HSPB7: variants seen among roughly 807,000 people sequenced by gnomAD.
HSPB7 encodes the protein heat shock protein family B (small) member 7, also known as heat shock protein beta-7.
A neutral mutation model predicts 11.0 loss-of-function variants in HSPB7; 9 were observed. The observed-to-expected ratio is 0.82, with a 90% confidence interval of 0.49 to 1.43. The LOEUF (loss-of-function observed/expected upper bound fraction) is 1.43, where lower values mean the gene tolerates loss of function less well. Among genes scored for constraint, HSPB7 ranks in the 40% most tolerant of loss-of-function variants. The pLI is 0.00. For missense variants in HSPB7, 246 were observed against 243.9 expected (o/e 1.01, Z -0.06); for synonymous variants, 102 against 101.6 (o/e 1.00, Z -0.02).
intron 1 of HSPB7, 177 bp downstream of exon 1, chr1:16,017,588 T>C (rs3883891): frequency 0.4 from 244,936 of 616,400 alleles, 50,732 homozygotes; most frequent in East Asian, 0.67. Context: ...GAGGCCCACC[T>C]GTTTTCATGG....
At chr1:16,018,149 C>T (rs755890332), upstream of HSPB7, 1 of 1,541,686 alleles carries the variant, frequency 6.5e-7, no homozygotes, top group Non-Finnish European at 8.8e-7. Context: ...CCAGAGGGGG[C>T]TGGAAATCTT....
At chr1:16,016,366 T>A (rs1284469134) in intron 2 of HSPB7, among the ~76,000 whole-genome samples, 1 of 152,150 alleles carries the variant, frequency 6.6e-6, no homozygotes, top group Non-Finnish European at 1.5e-5. Context: ...GGTCCTCTCC[T>A]CTCTCCTGGC....
At chr1:16,018,758 C>T (rs1375707704), upstream of HSPB7, 5 of 1,067,388 alleles carry the variant, frequency 4.7e-6, no homozygotes, top group Middle Eastern at 4.4e-4. Flanking sequence ...TGCCTGCGAG[C>T]GCCTTAGGTG....
intron 1 of HSPB7, 123 bp from the exon 2 acceptor site, chr1:16,017,330 T>C: frequency 5.2e-6 from 7 of 1,337,412 alleles, no homozygotes; most frequent in African/African-American, 1.5e-5. Flanking sequence ...CCTAGCTGTT[T>C]CTCCCTAAGC....
At chr1:16,016,305 T>C (rs1349551354) in intron 2 of HSPB7, among the ~76,000 whole-genome samples, 1 of 152,124 alleles carries the variant, frequency 6.6e-6, no homozygotes, top group African/African-American at 2.4e-5. Context: ...CACCCTTGAA[T>C]GTGGAGGGGA....
At chr1:16,018,363 C>G, upstream of HSPB7, 1 of 1,196,624 alleles carries the variant, frequency 8.4e-7, no homozygotes, top group Non-Finnish European at 1.1e-6. Flanking sequence ...TTGTTTCCCC[C>G]GTCAGCCTGG....
chr1:16,019,341 G>A, upstream of HSPB7: 2 of 1,437,800 alleles, frequency 1.4e-6, no homozygotes, highest in Admixed American at 2.0e-5. Flanking sequence ...AGCACTGACT[G>A]TCTTTGTCCT....
chr1:16,018,091 T>A, upstream of HSPB7: 3 of 1,567,132 alleles, frequency 1.9e-6, no homozygotes, highest in Non-Finnish European at 2.6e-6. Flanking sequence ...GTCCCTGGGC[T>A]TGGGGCCAGC....
upstream of HSPB7, chr1:16,018,927 A>T (rs2021956309): frequency 8.7e-7 from 1 of 1,153,650 alleles, no homozygotes; most frequent in African/African-American, 1.6e-5. Flanking sequence ...TTCCCATGTT[A>T]CGGACGGGGA....
chr1:16,019,504 T>C, upstream of HSPB7: 1 of 1,501,720 alleles, frequency 6.7e-7, no homozygotes, highest in Non-Finnish European at 8.9e-7. Flanking sequence ...GCAGTTTCTC[T>C]TTTGTCTGAG....
At chr1:16,018,113 T>C, upstream of HSPB7, 1 of 1,551,336 alleles carries the variant, frequency 6.4e-7, no homozygotes. Context: ...CCTTGTCTAC[T>C]AGCTAAATTT....
upstream of HSPB7, chr1:16,019,510 C>A: frequency 1.3e-6 from 2 of 1,492,196 alleles, no homozygotes; most frequent in Non-Finnish European, 8.9e-7. Flanking sequence ...TCTCTTTTGT[C>A]TGAGCCCCCT....
At chr1:16,016,956 T>C in intron 2 of HSPB7, 118 bp downstream of exon 2, 1 of 1,032,466 alleles carries the variant, frequency 9.7e-7, no homozygotes, top group Non-Finnish European at 1.4e-6. Flanking sequence ...CTGGGGGAGT[T>C]TGGGTGGGGA....
In HSPB7 at chr1:16,017,222, G is replaced by T. The variant is rs1439828330; in HGVS notation, c.200-15C>A. 6.2e-7 allele frequency: 1 copy of T among 1,610,912 alleles called. No homozygotes were observed. On this transcript the variant is annotated splice_polypyrimidine_tract_variant and intron_variant, in intron 1 of 2. Coordinates refer to ENST00000311890, the MANE Select transcript of HSPB7 (RefSeq NM_014424.5). The stretch of plus-strand genomic sequence containing the variant: ...ACCGGGGCGGGCTGTGGGATGGGCT[G>T]CTGTGAGCGAGGCATGGAGCAGGCC...
chr1:16,019,328 C>G, upstream of HSPB7: 1 of 1,425,304 alleles, frequency 7.0e-7, no homozygotes, highest in Admixed American at 2.0e-5. Context: ...TCCAGATGCC[C>G]CCAGCACTGA....
upstream of HSPB7, chr1:16,018,164 C>A (rs558475724): frequency 4.6e-6 from 7 of 1,536,746 alleles, no homozygotes; most frequent in Admixed American, 9.9e-5. Context: ...AATCTTCTCC[C>A]GTGCGCCGGC....
At chr1:16,018,997 GAA>G, upstream of HSPB7, 1 of 987,672 alleles carries the variant, frequency 1.0e-6, no homozygotes, top group East Asian at 2.6e-5. Context: ...GCTGGGATTC[GAA>G]CCTAGATGTG....
At chr1:16,016,231 C>G in intron 2 of HSPB7, among the ~76,000 whole-genome samples, 1 of 152,328 alleles carries the variant, frequency 6.6e-6, no homozygotes, top group East Asian at 1.9e-4. Flanking sequence ...AGGGCTGGCA[C>G]ATGCTGCCTG....
Position 16,017,148 on chromosome 1 carries a change from C to A in HSPB7, c.259G>T (p.Asp87Tyr). 6.2e-7 allele frequency: 1 copy of A among 1,613,834 alleles called. No individual in the cohort carries two copies. The highest frequency in any genetic ancestry group is 8.5e-7 in the Non-Finnish European group (1 of 1,179,772). The change falls in exon 2 of 3, where the codon GAC (aspartate) becomes TAC (tyrosine). Residue 87 changes from aspartate to tyrosine, a missense_variant. Physicochemically the swap from Asp to Tyr is radical, Grantham distance 160. Coordinates refer to ENST00000311890, the MANE Select transcript of HSPB7 (RefSeq NM_014424.5). The part of the protein sequence containing the change: ...TLGDAYEFAV[D>Y]VRDFSPEDII... ...TCTTCAGGTGAGAAGTCTCTCACGT[C>A]CACCGCAAACTCATAGGCGTCTCCT...
Sources: allele counts gnomAD v4.1 joint callset (sites outside exome capture counted in the v4.1 genomes callset), GRCh38; gene constraint gnomAD v4.1.1; transcripts MANE v1.5; gene names NCBI Gene and HGNC (gene_info 2026-07-23, HGNC 2026-07-21).